The following NBPF20 variants were observed in gnomAD, a reference collection of about 807,000 sequenced individuals.
The protein encoded by NBPF20 is NBPF family member NBPF20.
Under a neutral mutation model 68.1 loss-of-function variants are expected in NBPF20, and 90 were observed. The ratio of observed to expected loss-of-function variants is 1.32; its 90% CI spans 1.11 to 1.58. The LOEUF is 1.58. NBPF20 is among the 40% of genes most tolerant of loss of function. NBPF20 has a pLI of 0.00. For synonymous variants in NBPF20, 290 were observed against 228.1 expected (o/e 1.27, Z -2.45); for missense variants, 816 against 601.2 (o/e 1.36, Z -3.74).
chr1:145,393,767 T>C (rs1165186727), intron 9 of NBPF20, 117 bp downstream of exon 14: 1 of 1,494,042 alleles, frequency 6.7e-7, no homozygotes, highest in South Asian at 1.1e-5. Context: ...GTAGTAGGCA[T>C]AATTCAGACT....
chr1:145,399,925 G>A (rs1414968537), intron 6 of NBPF20, among the ~76,000 whole-genome samples: 3 of 152,046 alleles, frequency 2.0e-5, no homozygotes, highest in African/African-American at 7.2e-5. Context: ...CCTGATTTCA[G>A]GGTGACTGTG....
At chr1:145,412,058 A>G in the NBPF20 span, among the ~76,000 whole-genome samples, 1 of 133,980 alleles carries the variant, frequency 7.5e-6, no homozygotes, top group Non-Finnish European at 1.6e-5. Flanking sequence ...ATTAAAGCTG[A>G]TGGGAGTTTA....
chr1:145,404,332 C>T (rs1662667314), intron 2 of NBPF20, among the ~76,000 whole-genome samples: 1 of 151,860 alleles, frequency 6.6e-6, no homozygotes, highest in Non-Finnish European at 1.5e-5. Flanking sequence ...AATCTTGGCT[C>T]ACTGCAACAT....
chr1:145,390,343 CAG>C (rs1336065156), intron 13 of NBPF20, among the ~76,000 whole-genome samples: 5 of 63,614 alleles, frequency 7.9e-5, no homozygotes, highest in Admixed American at 4.2e-4. Context: ...CACACACACA[CAG>C]ACACACACAC....
chr1:145,394,618 G>T (rs1360134050), intron 8 of NBPF20, among the ~76,000 whole-genome samples: 2 of 152,024 alleles, frequency 1.3e-5, no homozygotes, highest in Non-Finnish European at 2.9e-5. Context: ...AACTCATAAG[G>T]AATTTTGTAG....
At chr1:145,412,649 CA>C in the NBPF20 span, among the ~76,000 whole-genome samples, 6 of 147,954 alleles carry the variant, frequency 4.1e-5, no homozygotes, top group South Asian at 8.8e-4. Flanking sequence ...CTCAGCTAAG[CA>C]TATGGGCTAG....
chr1:145,407,611 A>T (rs1405521793), upstream of NBPF20, among the ~76,000 whole-genome samples: 2 of 149,326 alleles, frequency 1.3e-5, no homozygotes, highest in Non-Finnish European at 3.0e-5. Context: ...TTTCTTTTTT[A>T]AGTGGCGGAG....
At chr1:145,394,897 A>C (rs201635822) in intron 8 of NBPF20, 81 bp downstream of exon 13, 148 of 1,354,644 alleles carry the variant, frequency 1.1e-4, no homozygotes, top group South Asian at 2.0e-4. Context: ...TCAGCCCAAC[A>C]AGGGGCACAA....
the NBPF20 span, among the ~76,000 whole-genome samples, chr1:145,419,596 G>A: frequency 6.6e-6 from 1 of 152,030 alleles, no homozygotes; most frequent in Non-Finnish European, 1.5e-5. Flanking sequence ...TCAGCCCCTG[G>A]GTCTGACATC....
chr1:145,307,192 C>T (rs1362845452), intron 118 of NBPF20, among the ~76,000 whole-genome samples: 27 of 31,314 alleles, frequency 8.6e-4, no homozygotes, highest in African/African-American at 5.0e-3. Context: ...CAGTCCAAAT[C>T]ATAGTTCTGT....
At chr1:145,352,356 G>A (rs1179065171) in intron 61 of NBPF20, among the ~76,000 whole-genome samples, 4 of 73,946 alleles carry the variant, frequency 5.4e-5, no homozygotes, top group Admixed American at 1.2e-4. Flanking sequence ...CAGAGAGAAC[G>A]AGCTCAGTGA....
upstream of NBPF20, among the ~76,000 whole-genome samples, chr1:145,410,313 T>C (rs1363424018): frequency 6.6e-6 from 1 of 150,922 alleles, no homozygotes; most frequent in African/African-American, 2.5e-5. Flanking sequence ...CATTCATGTA[T>C]CTTCTTTTTT....
intron 130 of NBPF20, 47 bp downstream of exon 135, chr1:145,297,915 A>G: frequency 1.8e-5 from 2 of 110,856 alleles, no homozygotes; most frequent in Middle Eastern, 2.2e-3. Flanking sequence ...TGATCTTTAT[A>G]TGGAAGACTC....
chr1:145,416,598 CATT>C, the NBPF20 span, among the ~76,000 whole-genome samples: 10 of 149,386 alleles, frequency 6.7e-5, no homozygotes, highest in African/African-American at 2.2e-4. Context: ...CAACTTACAT[CATT>C]GAGTTGTACA....
exon 138 of NBPF20, chr1:145,290,627 T>C (rs1171065538): frequency 1.3e-5 from 2 of 150,950 alleles, no homozygotes; most frequent in Non-Finnish European, 3.0e-5. Context: ...CATTATCTTT[T>C]TACGTTTTTT....
chr1:145,410,738 G>GTA, the NBPF20 span, among the ~76,000 whole-genome samples: 151 of 134,666 alleles, frequency 1.1e-3, no homozygotes, highest in African/African-American at 2.7e-3. Flanking sequence ...GCCTGTCTGT[G>GTA]TATATATATA....
At chr1:145,403,828 A>G (rs1449976962) in intron 2 of NBPF20, among the ~76,000 whole-genome samples, 1 of 151,912 alleles carries the variant, frequency 6.6e-6, no homozygotes, top group African/African-American at 2.4e-5. Flanking sequence ...TCATATCTGA[A>G]GCATAAAGTG....
chr1:145,424,482 CCAG>C, the NBPF20 span, among the ~76,000 whole-genome samples: 2 of 152,166 alleles, frequency 1.3e-5, no homozygotes, highest in African/African-American at 4.8e-5. Flanking sequence ...CTAAACACTA[CCAG>C]CAGATCTTTT....
At chr1:145,399,901 A>G (rs1662433502) in intron 6 of NBPF20, among the ~76,000 whole-genome samples, 1 of 151,616 alleles carries the variant, frequency 6.6e-6, no homozygotes, top group Non-Finnish European at 1.5e-5. Flanking sequence ...AAAGTAAAGA[A>G]GAAAAGTTTC....
Sources: gnomAD v4.1 joint callset for allele counts (sites outside exome capture counted in the v4.1 genomes callset) on GRCh38, gnomAD v4.1.1 for gene constraint, MANE v1.5 for transcripts, NCBI Gene and HGNC (gene_info 2026-07-23, HGNC 2026-07-21) for gene names.